The following CDKL2 variants were observed in gnomAD, a reference collection of about 807,000 sequenced individuals.
CDKL2 encodes cyclin dependent kinase like 2, also known as cyclin-dependent kinase-like 2.
A neutral mutation model predicts 63.9 loss-of-function variants in CDKL2; 64 were observed. The observed-to-expected ratio is 1.00, with a 90% CI of 0.82 to 1.23. The LOEUF (loss-of-function observed/expected upper bound fraction) is 1.23. Ranked by LOEUF, CDKL2 falls within the 50% of genes most tolerant of loss-of-function variation. CDKL2 has a pLI of 0.00. For synonymous variants in CDKL2, 211 were observed against 229.2 expected (o/e 0.92, Z 0.72); for missense variants, 656 against 668.0 (o/e 0.98, Z 0.20).
At chr4:75,618,621 G>A (rs1489533833) in intron 2 of CDKL2, among the ~76,000 whole-genome samples, 3 of 151,494 alleles carry the variant, frequency 2.0e-5, no homozygotes, top group African/African-American at 7.3e-5. Context: ...AGGCTAAAAC[G>A]ACAGTGAGGA....
chr4:75,623,164 A>G (rs951017917), intron 2 of CDKL2, among the ~76,000 whole-genome samples: 1 of 152,158 alleles, frequency 6.6e-6, no homozygotes, highest in Non-Finnish European at 1.5e-5. Context: ...CTGTAGGCCC[A>G]GCTACTCAGA....
chr4:75,627,076 C>T (rs1415803459), intron 1 of CDKL2, among the ~76,000 whole-genome samples: 1 of 143,188 alleles, frequency 7.0e-6, no homozygotes, highest in Non-Finnish European at 1.5e-5. Flanking sequence ...GGTGGTGCAC[C>T]CCTATAGTCC....
In CDKL2 at chr4:75,576,979, G is replaced by T. The variant is rs984100772; in HGVS notation, c.*2223C>A. Among the ~76,000 whole-genome samples, 1 of 152,032 alleles carries T rather than the reference G, an allele frequency of 6.6e-6. No individual in the cohort carries two copies. The highest frequency in any genetic ancestry group is 1.5e-5 in the Non-Finnish European group (1 of 67,970). On this transcript the variant is annotated 3_prime_UTR_variant, in exon 14 of 14. Coordinates refer to ENST00000307465, the MANE Select transcript of CDKL2 (RefSeq NM_001330724.2). ...ACCAGCTATACAAGAAAATTAGCTTGCCATCCCTACATCCAAAGTTTTCCA... is the reference window on the plus strand; with the variant it reads ...ACCAGCTATACAAGAAAATTAGCTTTCCATCCCTACATCCAAAGTTTTCCA...
At chr4:75,629,683 T>C (rs377755221) in intron 1 of CDKL2, among the ~76,000 whole-genome samples, 26 of 152,302 alleles carry the variant, frequency 1.7e-4, no homozygotes, top group African/African-American at 6.0e-4. Context: ...CTCACGCCTG[T>C]AATCCCAACA....
intron 7 of CDKL2, 48 bp from the exon 8 acceptor site, chr4:75,598,260 A>T (rs1376296439): frequency 9.3e-7 from 1 of 1,074,396 alleles, no homozygotes; most frequent in African/African-American, 1.7e-5. Context: ...GGATAAACCT[A>T]CAAAAAAATT....
At chr4:75,594,183 C>G (rs1220876581) in intron 10 of CDKL2, among the ~76,000 whole-genome samples, 1 of 152,112 alleles carries the variant, frequency 6.6e-6, no homozygotes, top group Non-Finnish European at 1.5e-5. Flanking sequence ...CCTGGTGGCT[C>G]ACGCCTGTAA....
intron 2 of CDKL2, among the ~76,000 whole-genome samples, chr4:75,618,343 C>T (rs756275954): frequency 4.1e-5 from 6 of 147,480 alleles, no homozygotes; most frequent in Admixed American, 1.4e-4. Context: ...CCTCCTCCGC[C>T]TGCCAGGTTC....
chr4:75,607,257 C>A lies in CDKL2; in HGVS notation c.468G>T (p.Glu156Asp). 1 of 1,614,042 alleles carries A rather than the reference C, an allele frequency of 6.2e-7. No homozygotes were observed. Among genetic ancestry groups the A allele is most frequent in the Non-Finnish European group, 8.5e-7 (1 of 1,179,956 alleles). The change falls in exon 4 of 14, where the codon GAG becomes GAT. Residue 156 changes from glutamate to aspartate, a missense_variant. Transcript: ENST00000307465. The part of the protein sequence containing the change: ...GFARTLAAPG[E>D]VYTDYVATRW... Reference sequence around the variant, plus strand: ...GGGTTGCCACATAATCAGTATAAACCTCCCCAGGAGCTGCCAATGTTCGCG... The same window carrying A: ...GGGTTGCCACATAATCAGTATAAACATCCCCAGGAGCTGCCAATGTTCGCG...
At chr4:75,611,335 G>A (rs981453561) in intron 3 of CDKL2, among the ~76,000 whole-genome samples, 13 of 151,840 alleles carry the variant, frequency 8.6e-5, no homozygotes, top group African/African-American at 2.4e-4. Flanking sequence ...GGTGCACACC[G>A]GTAATCCCAG....
At chr4:75,599,537 G>A (rs1452248316) in intron 7 of CDKL2, among the ~76,000 whole-genome samples, 3 of 101,554 alleles carry the variant, frequency 3.0e-5, no homozygotes, top group Non-Finnish European at 5.8e-5. Context: ...CTCCAGCCTG[G>A]GCAACAAGAG....
rs766169130 is a variant in CDKL2 at position 75,605,503 on chromosome 4, T to C, written c.655+19A>G. On this transcript the variant is annotated intron_variant, in intron 5 of 13. Coordinates refer to ENST00000307465, the MANE Select transcript of CDKL2 (RefSeq NM_001330724.2). Reference sequence around the variant, plus strand: ...GCAGAAAAATCTCTAAAATTTAAAATGCAGATGTGTAACCTTACCTAAACA... The same window carrying C: ...GCAGAAAAATCTCTAAAATTTAAAACGCAGATGTGTAACCTTACCTAAACA... The C allele has an allele frequency of 7.2e-7, 1 of 1,392,980 alleles. No individual in the cohort carries two copies. The highest frequency in any genetic ancestry group is 2.3e-5 in the East Asian group (1 of 43,662). The allele number at this position is 1,392,980 out of a possible 1,614,324, so 86.3% of individuals were successfully genotyped here.
At position 75,591,922 on chromosome 4, in the gene CDKL2, C is replaced by T. The variant is rs1298544061; in HGVS notation, c.1544G>A (p.Arg515Gln). 1.4e-5 allele frequency: 21 copies of T among 1,534,250 alleles called. No homozygotes were observed. The highest frequency in any genetic ancestry group is 2.7e-5 in the African/African-American group (2 of 72,974). Residue 515 changes from arginine to glutamine, a missense_variant, in exon 12 of 14, where the codon CGA (arginine) becomes CAA (glutamine). Arg to Gln is a conservative substitution (Grantham distance 43). Transcript: ENST00000307465. Reference protein sequence around the residue: ...PELRALGGIARNSRLTKKESK... With the variant: ...PELRALGGIAQNSRLTKKESK... ...CTCTTTCTTTGTTAGCCTGGAATTT[C>T]GAGCTAGATAGAAATGACCATAAAC...
At chr4:75,582,643 T>G (rs540366992) in intron 12 of CDKL2, among the ~76,000 whole-genome samples, 1 of 151,528 alleles carries the variant, frequency 6.6e-6, no homozygotes, top group African/African-American at 2.4e-5. Context: ...GACCAACAAC[T>G]CCCCAAATCT....
chr4:75,617,244 G>C (rs1240784624), intron 2 of CDKL2, among the ~76,000 whole-genome samples: 1 of 151,618 alleles, frequency 6.6e-6, no homozygotes, highest in Non-Finnish European at 1.5e-5. Flanking sequence ...CCTTAAAACA[G>C]ACATTTTACA....
chr4:75,629,301 G>A (rs1186204718), intron 1 of CDKL2, among the ~76,000 whole-genome samples: 1 of 152,210 alleles, frequency 6.6e-6, no homozygotes, highest in Non-Finnish European at 1.5e-5. Flanking sequence ...AAGCATGTCT[G>A]AGGTGTTCTG....
intron 1 of CDKL2, among the ~76,000 whole-genome samples, chr4:75,629,370 C>G (rs1008880474): frequency 3.9e-5 from 6 of 152,218 alleles, no homozygotes; most frequent in East Asian, 1.9e-4. Flanking sequence ...TTCTCCCAAC[C>G]AATTGCATAT....
chr4:75,604,555 G>A (rs1376590243), intron 5 of CDKL2, among the ~76,000 whole-genome samples: 3 of 152,174 alleles, frequency 2.0e-5, no homozygotes, highest in South Asian at 2.1e-4. Flanking sequence ...TTCAACAAAC[G>A]TAAGATTTTG....
intron 12 of CDKL2, among the ~76,000 whole-genome samples, chr4:75,583,227 T>G (rs1728335239): frequency 6.6e-6 from 1 of 152,218 alleles, no homozygotes; most frequent in Non-Finnish European, 1.5e-5. Context: ...TGGAGATATG[T>G]AAATGTAGTA....
chr4:75,608,558 G>A (rs1046865977), intron 3 of CDKL2, among the ~76,000 whole-genome samples: 10 of 152,140 alleles, frequency 6.6e-5, no homozygotes, highest in African/African-American at 2.2e-4. Flanking sequence ...AATTGATGTT[G>A]GCCATAAATG....
Sources: allele counts gnomAD v4.1 joint callset (sites outside exome capture counted in the v4.1 genomes callset), GRCh38; gene constraint gnomAD v4.1.1; transcripts MANE v1.5; gene names NCBI Gene and HGNC (gene_info 2026-07-23, HGNC 2026-07-21).